Variants in SMG6 observed in about 807,000 individuals in gnomAD.
The protein encoded by SMG6 is telomerase-binding protein EST1A.
Under a neutral mutation model 142.2 loss-of-function variants are expected in SMG6, and 66 were observed. The observed-to-expected ratio is 0.46, with a 90% CI of 0.38 to 0.57. SMG6 has a LOEUF of 0.57. Among genes scored for constraint, SMG6 ranks in the 20% least tolerant of loss-of-function variants. The probability of loss-of-function intolerance (pLI) is 0.00; values close to 1 mark genes in which losing one functional copy is unlikely to be tolerated. For synonymous variants in SMG6, 779 were observed against 702.4 expected (o/e 1.11, Z -1.72); for missense variants, 1,793 against 1,832.0 (o/e 0.98, Z 0.39).
chr17:2,190,190 C>T (rs1227287531), intron 10 of SMG6, among the ~76,000 whole-genome samples: 4 of 152,310 alleles, frequency 2.6e-5, no homozygotes, highest in East Asian at 1.9e-4. Context: ...GCCATTGCCA[C>T]GCCCGGACAA....
At chr17:2,089,339 A>C (rs1411920026) in intron 13 of SMG6, among the ~76,000 whole-genome samples, 2 of 152,058 alleles carry the variant, frequency 1.3e-5, no homozygotes, top group African/African-American at 2.4e-5. Context: ...AGGCGACTAA[A>C]AGGGCCGCCA....
chr17:2,204,289 C>T (rs565638016), intron 10 of SMG6, among the ~76,000 whole-genome samples: 2 of 152,302 alleles, frequency 1.3e-5, no homozygotes, highest in Non-Finnish European at 2.9e-5. Flanking sequence ...AGATTAGAGT[C>T]ATCAAACAAA....
intron 13 of SMG6, among the ~76,000 whole-genome samples, chr17:2,106,386 G>A (rs148833981): frequency 1.6e-3 from 240 of 152,256 alleles, no homozygotes; most frequent in East Asian, 2.5e-3. Flanking sequence ...AAGGAAGGGA[G>A]GGGGGTCTCT....
At chr17:2,088,230 G>C (rs903181613) in intron 13 of SMG6, 2 of 985,274 alleles carry the variant, frequency 2.0e-6, no homozygotes, top group African/African-American at 3.5e-5. Context: ...GGTATGCTGC[G>C]TGGCTAAGAA....
In SMG6 at chr17:2,068,145, G is replaced by A. The variant is rs567476652; in HGVS notation, c.3835+633C>T. ...GAGACGGCCCAGCTGGGCCTCTCTG[G>A]CTAGAGGGTGGGAAAGCAAGCTAGC... On this transcript the variant is annotated intron_variant, in intron 16 of 18. Transcript: ENST00000263073. The surrounding 1 kb of genome is among the most constrained non-coding windows in gnomAD (Gnocchi z 6.7). Among the ~76,000 whole-genome samples the A allele has an allele frequency of 6.6e-6, 1 of 152,288 alleles. No homozygotes were observed. The highest frequency in any genetic ancestry group is 2.4e-5 in the African/African-American group (1 of 41,556).
chr17:2,237,569 C>T (rs113405687), intron 9 of SMG6: 8 of 985,422 alleles, frequency 8.1e-6, no homozygotes, highest in Admixed American at 6.1e-5. Context: ...CTCTGCTCAT[C>T]GGGGTCTGTA....
At chr17:2,086,878 G>A (rs1371313441) in intron 13 of SMG6, among the ~76,000 whole-genome samples, 1 of 152,164 alleles carries the variant, frequency 6.6e-6, no homozygotes, top group Admixed American at 6.5e-5. Flanking sequence ...GAGGGGCCCT[G>A]CTGGATCTGG....
intron 13 of SMG6, among the ~76,000 whole-genome samples, chr17:2,156,891 G>A (rs865940577): frequency 1.6e-4 from 25 of 152,282 alleles, no homozygotes; most frequent in African/African-American, 4.8e-4. Flanking sequence ...GGGCTCGAGC[G>A]ATCCTCCCGC....
intron 13 of SMG6, among the ~76,000 whole-genome samples, chr17:2,097,504 T>C (rs994664759): frequency 6.6e-6 from 1 of 152,212 alleles, no homozygotes; most frequent in Non-Finnish European, 1.5e-5. Flanking sequence ...GTTACTGTGT[T>C]GAATCTGTAA....
intron 4 of SMG6, among the ~76,000 whole-genome samples, 174 bp downstream of exon 4, chr17:2,297,069 C>G (rs1166839339): frequency 6.6e-6 from 1 of 151,362 alleles, no homozygotes; most frequent in Non-Finnish European, 1.5e-5. Flanking sequence ...TGCTATATAC[C>G]ACTACCATAG....
chr17:2,192,798 C>G (rs1349292828), intron 10 of SMG6, among the ~76,000 whole-genome samples: 1 of 152,168 alleles, frequency 6.6e-6, no homozygotes, highest in Non-Finnish European at 1.5e-5. Context: ...GCTTGAGCCA[C>G]AGAGTTCCCC....
At chr17:2,162,087 T>C (rs1325121964) in intron 13 of SMG6, among the ~76,000 whole-genome samples, 1 of 152,222 alleles carries the variant, frequency 6.6e-6, no homozygotes, top group African/African-American at 2.4e-5. Context: ...AAACAAATAT[T>C]ATAATATATT....
chr17:2,104,273 T>C (rs1185550796), intron 13 of SMG6, among the ~76,000 whole-genome samples: 3 of 151,976 alleles, frequency 2.0e-5, no homozygotes, highest in African/African-American at 7.3e-5. Context: ...TTTTTGTATT[T>C]TTAGTACAGA....
At chr17:2,187,629 A>G (rs1053772349) in intron 11 of SMG6, among the ~76,000 whole-genome samples, 1 of 152,330 alleles carries the variant, frequency 6.6e-6, no homozygotes, top group Non-Finnish European at 1.5e-5. Context: ...CCCATATGGT[A>G]AAATGTTAAC....
chr17:2,160,292 T>C (rs1196288556), intron 13 of SMG6, among the ~76,000 whole-genome samples: 1 of 152,184 alleles, frequency 6.6e-6, no homozygotes, highest in Non-Finnish European at 1.5e-5. Context: ...CAATCTCAGC[T>C]CACTGCAGCC....
chr17:2,276,438 G>A (rs757388438), intron 8 of SMG6, among the ~76,000 whole-genome samples: 1 of 152,052 alleles, frequency 6.6e-6, no homozygotes, highest in African/African-American at 2.4e-5. Context: ...AGGCTGGAGT[G>A]CAATGGTGCG....
intron 13 of SMG6, among the ~76,000 whole-genome samples, chr17:2,142,888 C>CAAAAAAAA (rs1164289108): frequency 1.9e-5 from 1 of 52,508 alleles, no homozygotes; most frequent in Non-Finnish European, 3.5e-5. Context: ...AACACTGTCT[C>CAAAAAAAA]AAAAAAAAAA....
At chr17:2,065,026 G>A (rs2067898003) in intron 18 of SMG6, 47 bp downstream of exon 18, 1 of 1,456,580 alleles carries the variant, frequency 6.9e-7, no homozygotes, top group Non-Finnish European at 9.6e-7. Flanking sequence ...GTAGGATGAG[G>A]TAGGGCAGTG....
At chr17:2,104,933 T>G (rs1487161027) in intron 13 of SMG6, among the ~76,000 whole-genome samples, 4 of 152,036 alleles carry the variant, frequency 2.6e-5, no homozygotes, top group East Asian at 1.9e-4. Context: ...TCTTTTTTTT[T>G]GGGAGACAAG....
Sources: gnomAD v4.1 joint callset for allele counts (sites outside exome capture counted in the v4.1 genomes callset) on GRCh38, gnomAD v4.1.1 for gene constraint, Gnocchi (gnomAD v3.1) non-coding constraint, MANE v1.5 for transcripts, NCBI Gene and HGNC (gene_info 2026-07-23, HGNC 2026-07-21) for gene names.